ATP8A2: variants seen among roughly 807,000 people sequenced by gnomAD.
ATP8A2 encodes the protein ATPase phospholipid transporting 8A2, also known as phospholipid-transporting ATPase IB.
In ATP8A2, 100 loss-of-function variants were observed where a neutral mutation model predicts 165.6. The ratio of observed to expected loss-of-function variants is 0.60; its 90% CI spans 0.51 to 0.71. The LOEUF is 0.71. Ranked by LOEUF, ATP8A2 falls within the 30% of genes least tolerant of loss-of-function variation. The pLI, the probability that ATP8A2 is intolerant of heterozygous loss-of-function variation, is 0.00. For missense variants in ATP8A2, 1,227 were observed against 1,479.5 expected (o/e 0.83, Z 2.80); for synonymous variants, 543 against 548.8 (o/e 0.99, Z 0.15).
intron 24 of ATP8A2, among the ~76,000 whole-genome samples, chr13:25,685,497 G>T (rs926475363): frequency 1.3e-5 from 2 of 152,180 alleles, no homozygotes; most frequent in African/African-American, 2.4e-5. Flanking sequence ...AGATGTAGAA[G>T]ACGGACATGG....
intron 33 of ATP8A2, among the ~76,000 whole-genome samples, chr13:25,932,347 GT>G (rs1422123436): frequency 6.6e-6 from 1 of 152,162 alleles, no homozygotes; most frequent in Non-Finnish European, 1.5e-5. Flanking sequence ...CTTGGTGTCT[GT>G]TTTGTCGCAG....
intron 25 of ATP8A2, among the ~76,000 whole-genome samples, chr13:25,706,905 T>C (rs2043064977): frequency 6.6e-6 from 1 of 152,184 alleles, no homozygotes; most frequent in Admixed American, 6.5e-5. Flanking sequence ...TGAATGCTAT[T>C]GTTTGAATGA....
chr13:25,993,185 G>C (rs1956429904), intron 35 of ATP8A2, among the ~76,000 whole-genome samples: 1 of 152,024 alleles, frequency 6.6e-6, no homozygotes. Context: ...ATGATTTATA[G>C]TCATTTGGGT....
In ATP8A2 at chr13:25,603,372, T is replaced by A. The variant is rs1456436026; in HGVS notation, c.2211+13673T>A. On this transcript the variant is annotated intron_variant, in intron 24 of 36. Coordinates refer to ENST00000381655, the MANE Select transcript of ATP8A2 (RefSeq NM_016529.6). The stretch of plus-strand genomic sequence containing the variant: ...CCAGTGTGGTGGTGCTTGCCTGTAG[T>A]CTCAGCTACTTGGGAGGCTGAGGTG... 2.0e-5 allele frequency among the ~76,000 whole-genome samples: 3 copies of A among 151,364 alleles called. No individual in the cohort carries two copies. In the East Asian group the frequency reaches 5.9e-4, roughly 30 times the overall value.
At chr13:25,421,675 G>C (rs1449411190) in intron 1 of ATP8A2, among the ~76,000 whole-genome samples, 1 of 152,182 alleles carries the variant, frequency 6.6e-6, no homozygotes, top group East Asian at 1.9e-4. Context: ...ATGGAAACTT[G>C]AAAATTACAC....
intron 2 of ATP8A2, among the ~76,000 whole-genome samples, chr13:25,523,086 C>G (rs1255621715): frequency 1.3e-5 from 2 of 151,588 alleles, no homozygotes; most frequent in Non-Finnish European, 1.5e-5. Flanking sequence ...CTACTGCCGT[C>G]CAGCCTGGGC....
chr13:25,610,897 T>TTC (rs2040666870), intron 24 of ATP8A2, among the ~76,000 whole-genome samples: 1 of 150,906 alleles, frequency 6.6e-6, no homozygotes, highest in African/African-American at 2.4e-5. Context: ...TTTTTTTTTT[T>TTC]TTTGCAGCTA....
intron 19 of ATP8A2, among the ~76,000 whole-genome samples, chr13:25,575,835 A>G (rs1221818444): frequency 6.6e-6 from 1 of 152,160 alleles, no homozygotes; most frequent in Admixed American, 6.5e-5. Context: ...GAAACTGTGC[A>G]GTGCCCTGTG....
chr13:25,872,086 G>A (rs971968107), intron 33 of ATP8A2, among the ~76,000 whole-genome samples: 2 of 129,190 alleles, frequency 1.5e-5, no homozygotes, highest in African/African-American at 3.0e-5. Flanking sequence ...CATTCAAATG[G>A]TGCTGCTTCT....
intron 24 of ATP8A2, among the ~76,000 whole-genome samples, chr13:25,691,440 G>A (rs996944526): frequency 6.6e-6 from 1 of 152,218 alleles, no homozygotes; most frequent in East Asian, 1.9e-4. Flanking sequence ...GGCTTATTCT[G>A]AGAAGGATAA....
intron 25 of ATP8A2, among the ~76,000 whole-genome samples, chr13:25,706,241 G>C (rs532817598): frequency 6.6e-6 from 1 of 152,230 alleles, no homozygotes; most frequent in East Asian, 1.9e-4. Flanking sequence ...AGGTTATTTT[G>C]TGAAAGTATG....
chr13:25,997,971 T>C (rs1002041081), intron 35 of ATP8A2, among the ~76,000 whole-genome samples: 5 of 152,232 alleles, frequency 3.3e-5, no homozygotes, highest in African/African-American at 9.6e-5. Context: ...TCTTCCTGGT[T>C]TATGGTAAAA....
chr13:25,982,181 GCT>G (rs1395132783), intron 35 of ATP8A2, among the ~76,000 whole-genome samples: 9 of 152,116 alleles, frequency 5.9e-5, no homozygotes, highest in African/African-American at 2.2e-4. Context: ...GAAAGCACTT[GCT>G]CTTTAAAAAA....
intron 2 of ATP8A2, among the ~76,000 whole-genome samples, chr13:25,524,735 T>A (rs1021488787): frequency 6.6e-6 from 1 of 152,094 alleles, no homozygotes; most frequent in Non-Finnish European, 1.5e-5. Context: ...CGGTTTCTTG[T>A]AGGCAGCATA....
chr13:25,607,529 G>T (rs1212174183), intron 24 of ATP8A2, among the ~76,000 whole-genome samples: 2 of 152,126 alleles, frequency 1.3e-5, no homozygotes, highest in African/African-American at 4.8e-5. Flanking sequence ...AACCATCAAA[G>T]TCAGTGACCA....
intron 2 of ATP8A2, among the ~76,000 whole-genome samples, chr13:25,474,714 T>C (rs2035945626): frequency 6.6e-6 from 1 of 150,848 alleles, no homozygotes. Flanking sequence ...TGTTTTAATT[T>C]ATATTTTAGG....
At position 25,892,482 on chromosome 13, in the gene ATP8A2, C is replaced by CTCTG. The variant is rs1566243178; in HGVS notation, c.3183+30077_3183+30078insGTCT. Among the ~76,000 whole-genome samples the CTCTG allele has an allele frequency of 8.6e-5, 13 of 150,578 alleles. No individual in the cohort carries two copies. The South Asian group carries it at 2.7e-3, about 32-fold the overall frequency. On this transcript the variant is annotated intron_variant, in intron 33 of 36. Transcript: ENST00000381655. ...TCTCTCTCTCTCTGTCTCTCTGTCTCTCTCTCTCTCTCTCTCTCTCTCCTT... is the reference window on the plus strand; with the variant it reads ...TCTCTCTCTCTCTGTCTCTCTGTCTCTCTGTCTCTCTCTCTCTCTCTCTCTCCTT...
chr13:25,430,422 G>A (rs1254749038), intron 1 of ATP8A2, among the ~76,000 whole-genome samples: 1 of 152,156 alleles, frequency 6.6e-6, no homozygotes, highest in Middle Eastern at 3.2e-3. Flanking sequence ...GTAGGAGCAG[G>A]AGTGGTTGTG....
At chr13:25,836,416 G>A (rs1005533194) in intron 28 of ATP8A2, among the ~76,000 whole-genome samples, 3 of 152,108 alleles carry the variant, frequency 2.0e-5, no homozygotes, top group East Asian at 1.9e-4. Context: ...CTCCTTCCTC[G>A]CCCACATCCC....
Sources: allele counts gnomAD v4.1 joint callset (sites outside exome capture counted in the v4.1 genomes callset), GRCh38; gene constraint gnomAD v4.1.1; transcripts MANE v1.5; gene names NCBI Gene and HGNC (gene_info 2026-07-23, HGNC 2026-07-21).